NWD1: variants seen among roughly 807,000 people sequenced by gnomAD.
The protein encoded by NWD1 is NACHT and WD repeat domain containing 1.
In NWD1, 129 loss-of-function variants were observed where a neutral mutation model predicts 135.1. That is an observed-to-expected ratio of 0.96 (90% CI 0.83 to 1.11). The LOEUF (loss-of-function observed/expected upper bound fraction) is 1.11, where lower values mean the gene tolerates loss of function less well. NWD1 is among the 50% of genes least tolerant of loss of function. The probability of loss-of-function intolerance (pLI) is 0.00; values close to 1 mark genes in which losing one functional copy is unlikely to be tolerated. For missense variants in NWD1, 1,740 were observed against 1,851.3 expected, an observed-to-expected ratio of 0.94 and a Z score of 1.10; for synonymous variants, 773 against 786.0, an observed-to-expected ratio of 0.98 and a Z score of 0.28.
chr19:16,738,545 C>T (rs1343547489), intron 4 of NWD1, among the ~76,000 whole-genome samples: 40 of 135,618 alleles, frequency 2.9e-4, no homozygotes, highest in Middle Eastern at 7.5e-3. Flanking sequence ...TTCCAGACTG[C>T]GCAACAGACG....
chr19:16,724,220 T>TA (rs1223605002), intron 1 of NWD1, 146 bp from the exon 2 acceptor site: 1 of 152,252 alleles, frequency 6.6e-6, no homozygotes, highest in African/African-American at 2.4e-5. Context: ...CTGGGCATTT[T>TA]ATAGACCTAT....
intron 12 of NWD1, among the ~76,000 whole-genome samples, chr19:16,780,260 A>G (rs916291578): frequency 5.3e-5 from 8 of 150,854 alleles, no homozygotes; most frequent in African/African-American, 2.0e-4. Flanking sequence ...GGTTCACGCC[A>G]TTCTCCTGCC....
At chr19:16,733,607 A>G (rs1254306480) in intron 3 of NWD1, among the ~76,000 whole-genome samples, 2 of 151,988 alleles carry the variant, frequency 1.3e-5, no homozygotes, top group East Asian at 1.9e-4. Flanking sequence ...TTGTATATTT[A>G]TTACTAAGAA....
chr19:16,796,837 C>A (rs1165124691), intron 15 of NWD1, among the ~76,000 whole-genome samples: 1 of 152,132 alleles, frequency 6.6e-6, no homozygotes, highest in African/African-American at 2.4e-5. Context: ...TCCCTGCCCT[C>A]CAGGAACTTA....
chr19:16,803,755 T>TAA (rs756016333), intron 17 of NWD1, among the ~76,000 whole-genome samples: 54 of 128,450 alleles, frequency 4.2e-4, no homozygotes, highest in African/African-American at 1.3e-3. Flanking sequence ...CAACTCTACT[T>TAA]AAAAAAAAAA....
Position 16,815,086 on chromosome 19 carries a change from C to A in NWD1, c.*47C>A. The A allele has an allele frequency of 6.3e-7, 1 of 1,594,362 alleles. No homozygotes were observed. The highest frequency in any genetic ancestry group is 8.6e-7 in the Non-Finnish European group (1 of 1,162,022). Reference sequence around the variant, plus strand: ...TGGTAAACAGAATCATCCCAACCACCAGTGGCTTCATTGCCCCCACCAGGC... The same window carrying A: ...TGGTAAACAGAATCATCCCAACCACAAGTGGCTTCATTGCCCCCACCAGGC... On this transcript the variant is annotated 3_prime_UTR_variant, in exon 19 of 19. Coordinates refer to ENST00000524140, the MANE Select transcript of NWD1 (RefSeq NM_001007525.5).
intron 14 of NWD1, among the ~76,000 whole-genome samples, chr19:16,793,967 C>T (rs1970335965): frequency 1.3e-5 from 2 of 152,220 alleles, no homozygotes; most frequent in South Asian, 4.1e-4. Context: ...TCATAGCTCA[C>T]TGCAGCCTCC....
At chr19:16,720,458 C>T (rs552655108) in intron 1 of NWD1, among the ~76,000 whole-genome samples, 165 bp downstream of exon 1, 4 of 152,112 alleles carry the variant, frequency 2.6e-5, no homozygotes, top group South Asian at 2.1e-4. Flanking sequence ...AAGTACAGGA[C>T]GTGCAAAGGC....
intron 11 of NWD1, among the ~76,000 whole-genome samples, chr19:16,778,357 T>C (rs746703385): frequency 9.9e-5 from 15 of 152,136 alleles, no homozygotes; most frequent in Non-Finnish European, 1.6e-4. Flanking sequence ...CATTGGCAAA[T>C]ATATATTTTT....
intron 2 of NWD1, among the ~76,000 whole-genome samples, chr19:16,725,943 TTG>T (rs1967311271): frequency 1.6e-5 from 2 of 122,080 alleles, no homozygotes; most frequent in African/African-American, 5.9e-5. Flanking sequence ...CATAGCTACA[TTG>T]TTTTTTTTTT....
At chr19:16,807,013 T>C (rs1486812792) in intron 17 of NWD1, among the ~76,000 whole-genome samples, 1 of 150,874 alleles carries the variant, frequency 6.6e-6, no homozygotes, top group Non-Finnish European at 1.5e-5. Flanking sequence ...CCAGACTCTG[T>C]CTAAAAAAAA....
At chr19:16,756,002 G>T (rs1181550056) in intron 6 of NWD1, among the ~76,000 whole-genome samples, 1 of 152,046 alleles carries the variant, frequency 6.6e-6, no homozygotes, top group African/African-American at 2.4e-5. Context: ...TAACATAAAT[G>T]GTCGACGAAC....
Position 16,800,084 on chromosome 19 carries a change from G to A in NWD1, c.3658G>A (p.Val1220Met). The change falls in exon 17 of 19, where the codon GTG (valine) becomes ATG (methionine). Residue 1220 changes from valine to methionine, a missense_variant. Val to Met is a conservative substitution (Grantham distance 21). Coordinates refer to ENST00000524140, the MANE Select transcript of NWD1 (RefSeq NM_001007525.5). ...TCTGGACCGCACCGGCCTCACCGCA[G>A]TGTCCCACAATGGAAGCTACGTCTA... ...PFLDRTGLTA[V>M]SHNGSYVYFP... The A allele has an allele frequency of 6.2e-7, 1 of 1,614,200 alleles. No homozygotes were observed. The highest frequency in any genetic ancestry group is 8.5e-7 in the Non-Finnish European group (1 of 1,180,014).
At chr19:16,801,420 CAG>C (rs1970598665) in intron 17 of NWD1, 2 of 152,242 alleles carry the variant, frequency 1.3e-5, no homozygotes, top group African/African-American at 4.8e-5. Context: ...GCCTGGGTGA[CAG>C]AGTGAGACCC....
intron 3 of NWD1, among the ~76,000 whole-genome samples, chr19:16,732,282 G>A (rs1967603526): frequency 6.6e-6 from 1 of 151,756 alleles, no homozygotes; most frequent in Non-Finnish European, 1.5e-5. Context: ...GGTTAGCATG[G>A]CAGGTGGTGT....
At chr19:16,804,498 G>A (rs1970694417) in intron 17 of NWD1, among the ~76,000 whole-genome samples, 1 of 151,996 alleles carries the variant, frequency 6.6e-6, no homozygotes, top group African/African-American at 2.4e-5. Context: ...CAGAGTCTGA[G>A]GCAGGAGGAT....
rs142434370 is a variant in NWD1 at position 16,728,837 on chromosome 19, G to A, written c.-6-2355G>A. Reference sequence around the variant, plus strand: ...CGGGCGCCTGTAGCCCCAGCTGCTCGGGAGGCTGAGGCAAGAGAATGGCGT... The same window carrying A: ...CGGGCGCCTGTAGCCCCAGCTGCTCAGGAGGCTGAGGCAAGAGAATGGCGT... On this transcript the variant is annotated intron_variant, in intron 2 of 18. Transcript: ENST00000524140. 4.4e-3 allele frequency among the ~76,000 whole-genome samples: 660 copies of A among 151,546 alleles called. 1 individual carries two copies. Among genetic ancestry groups the A allele is most frequent in the Middle Eastern group, 0.014 (4 of 294 alleles).
intron 1 of NWD1, among the ~76,000 whole-genome samples, chr19:16,723,357 T>A (rs567949647): frequency 2.0e-5 from 3 of 152,204 alleles, no homozygotes; most frequent in East Asian, 3.9e-4. Flanking sequence ...CACCACCACA[T>A]CTGGCTAATT....
intron 9 of NWD1, among the ~76,000 whole-genome samples, chr19:16,764,265 C>T (rs1441129936): frequency 6.6e-6 from 1 of 152,120 alleles, no homozygotes; most frequent in Admixed American, 6.6e-5. Context: ...AGAGTGAAAA[C>T]CCCTGCCTTA....
Sources: allele counts gnomAD v4.1 joint callset (sites outside exome capture counted in the v4.1 genomes callset), GRCh38; gene constraint gnomAD v4.1.1; transcripts MANE v1.5; gene names NCBI Gene and HGNC (gene_info 2026-07-23, HGNC 2026-07-21).